MOBP: variants seen among roughly 807,000 people sequenced by gnomAD.
The protein encoded by MOBP is myelin-associated oligodendrocyte basic protein.
In MOBP, 5 loss-of-function variants were observed where a neutral mutation model predicts 15.0. The ratio of observed to expected loss-of-function variants is 0.33; its 90% CI spans 0.17 to 0.70. MOBP has a LOEUF of 0.70. Among genes scored for constraint, MOBP ranks in the 30% least tolerant of loss-of-function variants. The pLI, the probability that MOBP is intolerant of heterozygous loss-of-function variation, is 0.67. For missense variants in MOBP, 188 were observed against 257.8 expected, an observed-to-expected ratio of 0.73 and a Z score of 1.85; for synonymous variants, 88 against 99.0, an observed-to-expected ratio of 0.89 and a Z score of 0.66.
chr3:39,505,259 G>A (rs2043033256), downstream of MOBP, among the ~76,000 whole-genome samples: 1 of 152,148 alleles, frequency 6.6e-6, no homozygotes, highest in Admixed American at 6.5e-5. Context: ...GGTTAATTTG[G>A]AGTCAATCAG....
chr3:39,517,878 C>T (rs2043222522), downstream of MOBP: 1 of 152,156 alleles, frequency 6.6e-6, no homozygotes, highest in Non-Finnish European at 1.5e-5. Flanking sequence ...TTATATTTTA[C>T]ATGGCACTAA....
rs1020079900 is a variant in MOBP, at chr3:39,502,285, C to T, written c.206+10C>T. ...CCTGCCAGAAGACCAGGTAAGCGGCCGCCCAGCCCCGCGGCACCAGTTGGG... is the reference window on the plus strand; with the variant it reads ...CCTGCCAGAAGACCAGGTAAGCGGCTGCCCAGCCCCGCGGCACCAGTTGGG... On this transcript the variant is annotated intron_variant, in intron 3 of 3. Transcript: ENST00000684792. This position sits in a 1 kb window ranked among gnomAD's most constrained non-coding sequence, Gnocchi z 6.3. 8.1e-6 allele frequency: 13 copies of T among 1,613,846 alleles called. No individual in the cohort carries two copies. Among genetic ancestry groups the T allele is most frequent in the Non-Finnish European group, 1.0e-5 (12 of 1,179,994 alleles).
chr3:39,522,112 T>G (rs2043276406), intron 3 of MOBP, among the ~76,000 whole-genome samples: 1 of 152,214 alleles, frequency 6.6e-6, no homozygotes, highest in Non-Finnish European at 1.5e-5. Flanking sequence ...GAAAGCAACC[T>G]GGAAACAGAC....
In MOBP at chr3:39,502,776, C is replaced by A. The variant is rs1056100280; in HGVS notation, c.448C>A (p.Gln150Lys). 6.5e-7 allele frequency: 1 copy of A among 1,535,704 alleles called. No individual in the cohort carries two copies. Among genetic ancestry groups the A allele is most frequent in the African/African-American group, 1.4e-5 (1 of 73,042 alleles). ...AGAGGTCCGACCACCGCCAGCCAAG[C>A]AGCGTCCCCCTCAGAAGTCCAAGCA... is the stretch of plus-strand genomic sequence containing the variant. Reference protein sequence around the residue: ...RPEVRPPPAKQRPPQKSKQQP... With the variant: ...RPEVRPPPAKKRPPQKSKQQP... The change falls in exon 4 of 4, where the codon CAG (glutamine) becomes AAG (lysine). Residue 150 changes from glutamine to lysine, a missense_variant. This residue lies in a region of MOBP where 133 missense variants were observed against 212.5 expected (regional missense o/e 0.63). Coordinates refer to ENST00000684792, the MANE Select transcript of MOBP (RefSeq NM_001393704.1). This position sits in a 1 kb window ranked among gnomAD's most constrained non-coding sequence, Gnocchi z 6.3.
chr3:39,491,297 T>A (rs2042791570), intron 2 of MOBP, among the ~76,000 whole-genome samples: 1 of 152,192 alleles, frequency 6.6e-6, no homozygotes, highest in Non-Finnish European at 1.5e-5. Flanking sequence ...CGGTCACTCA[T>A]AAATTGTGCC....
At chr3:39,487,220 G>A (rs761369072) in intron 2 of MOBP, among the ~76,000 whole-genome samples, 74 of 152,076 alleles carry the variant, frequency 4.9e-4, no homozygotes, top group Non-Finnish European at 9.0e-4. Context: ...TGGGATTACA[G>A]GCATGAGCTA....
At chr3:39,520,821 T>A (rs778522458), downstream of MOBP, among the ~76,000 whole-genome samples, 2 of 152,186 alleles carry the variant, frequency 1.3e-5, no homozygotes, top group African/African-American at 2.4e-5. Context: ...TGGCTGGCAA[T>A]TCACGTTAAT....
chr3:39,527,904 T>C (rs903971803), downstream of MOBP: 1 of 152,196 alleles, frequency 6.6e-6, no homozygotes, highest in African/African-American at 2.4e-5. Context: ...GACCAAAGAA[T>C]TGATGGGATC....
intron 2 of MOBP, among the ~76,000 whole-genome samples, chr3:39,486,435 TAAATA>T (rs1224044594): frequency 3.3e-5 from 5 of 152,140 alleles, no homozygotes; most frequent in African/African-American, 7.2e-5. Flanking sequence ...CCGACTCTAT[TAAATA>T]AAATAAAATA....
exon 5 of MOBP, chr3:39,515,297 T>C (rs2043186907): frequency 6.6e-6 from 1 of 152,222 alleles, no homozygotes; most frequent in Non-Finnish European, 1.5e-5. Flanking sequence ...CCATCTCTAT[T>C]CAAATTCCAG....
intron 2 of MOBP, among the ~76,000 whole-genome samples, chr3:39,494,817 A>C (rs1397974148): frequency 1.0e-5 from 1 of 97,588 alleles, no homozygotes; most frequent in Non-Finnish European, 1.8e-5. Context: ...TGTTGTTATT[A>C]TTACAGGAAA....
intron 1 of MOBP, among the ~76,000 whole-genome samples, chr3:39,477,271 G>A (rs1422498379): frequency 6.6e-6 from 1 of 151,976 alleles, no homozygotes; most frequent in African/African-American, 2.4e-5. Context: ...TTTGGATTTG[G>A]CCAAGGATCT....
intron 1 of MOBP, among the ~76,000 whole-genome samples, chr3:39,470,453 C>A (rs576632502): frequency 6.6e-6 from 1 of 152,198 alleles, no homozygotes; most frequent in South Asian, 2.1e-4. Flanking sequence ...GATCCAGAGA[C>A]TAGCCTATGA....
chr3:39,468,644 C>G (rs538125919), intron 1 of MOBP, among the ~76,000 whole-genome samples: 20 of 151,874 alleles, frequency 1.3e-4, no homozygotes, highest in South Asian at 6.2e-4. Context: ...CTCTTTCTCT[C>G]TCTCTGTATC....
chr3:39,507,142 C>T (rs1435187298), downstream of MOBP, among the ~76,000 whole-genome samples: 2 of 152,160 alleles, frequency 1.3e-5, no homozygotes, highest in Non-Finnish European at 2.9e-5. Flanking sequence ...ACTTCTAAAC[C>T]TTAATTCATC....
At chr3:39,473,207 C>T (rs1339326986) in intron 1 of MOBP, among the ~76,000 whole-genome samples, 21 of 152,278 alleles carry the variant, frequency 1.4e-4, no homozygotes, top group Admixed American at 1.3e-3. Flanking sequence ...AAGGAATCTT[C>T]GTTTTAAAAG....
chr3:39,511,573 C>CT (rs1456744297), intron 4 of MOBP, among the ~76,000 whole-genome samples: 2 of 152,196 alleles, frequency 1.3e-5, no homozygotes, highest in African/African-American at 4.8e-5. Flanking sequence ...AGCCCTCTGA[C>CT]TTAAGAGCCT....
chr3:39,473,555 G>A (rs904829969), intron 1 of MOBP, among the ~76,000 whole-genome samples: 2 of 152,178 alleles, frequency 1.3e-5, no homozygotes, highest in African/African-American at 4.8e-5. Context: ...GGAGGGATAA[G>A]GGCAGAAGAA....
downstream of MOBP, among the ~76,000 whole-genome samples, chr3:39,520,576 G>GTGTGTGTGTGT (rs1559430962): frequency 6.9e-4 from 64 of 93,200 alleles, no homozygotes; most frequent in African/African-American, 2.7e-3. Context: ...GTGTGTGTAT[G>GTGTGTGTGTGT]AGAGAGAGAG....
Sources: gnomAD v4.1 joint callset for allele counts (sites outside exome capture counted in the v4.1 genomes callset) on GRCh38, gnomAD v4.1.1 for gene constraint, gnomAD v4.1.1 regional missense constraint, Gnocchi (gnomAD v3.1) non-coding constraint, MANE v1.5 for transcripts, NCBI Gene and HGNC (gene_info 2026-07-23, HGNC 2026-07-21) for gene names.